EBF3: variants seen among roughly 807,000 people sequenced by gnomAD.
EBF3 encodes transcription factor COE3.
Under a neutral mutation model 77.1 loss-of-function variants are expected in EBF3, and 18 were observed. The observed-to-expected ratio is 0.23, with a 90% CI of 0.16 to 0.35. EBF3 has a LOEUF of 0.35. Among genes scored for constraint, EBF3 ranks in the 10% least tolerant of loss-of-function variants. The pLI, the probability that EBF3 is intolerant of heterozygous loss-of-function variation, is 1.00. For synonymous variants in EBF3, 350 were observed against 343.5 expected, an observed-to-expected ratio of 1.02 and a Z score of -0.21; for missense variants, 558 against 860.0, an observed-to-expected ratio of 0.65 and a Z score of 4.39.
At position 129,842,636 on chromosome 10, in the gene EBF3, C is replaced by T. The variant is rs769201549; in HGVS notation, c.1195-343G>A. Among the ~76,000 whole-genome samples, 1 of 152,074 alleles carries T rather than the reference C, an allele frequency of 6.6e-6. No individual in the cohort carries two copies. Among genetic ancestry groups the T allele is most frequent in the African/African-American group, 2.4e-5 (1 of 41,476 alleles). Reference sequence around the variant, plus strand: ...AAAATTAGCCGGGTGTGTTGGCAAACGCCTGTAATCCCAGCTACTCGGGAG... The same window carrying T: ...AAAATTAGCCGGGTGTGTTGGCAAATGCCTGTAATCCCAGCTACTCGGGAG... On this transcript the variant is annotated intron_variant, in intron 12 of 16. Coordinates refer to ENST00000440978, the MANE Select transcript of EBF3 (RefSeq NM_001375380.1). This position sits in a 1 kb window ranked among gnomAD's most constrained non-coding sequence, Gnocchi z 4.4.
At chr10:129,843,418 G>A (rs773541406) in intron 11 of EBF3, 12 of 503,584 alleles carry the variant, frequency 2.4e-5, no homozygotes, top group South Asian at 3.4e-5. Flanking sequence ...GAATAAAAGC[G>A]TTTTCTGTGG....
At chr10:129,898,063 G>A (rs547237752) in intron 6 of EBF3, among the ~76,000 whole-genome samples, 218 of 152,366 alleles carry the variant, frequency 1.4e-3, no homozygotes, top group Non-Finnish European at 2.2e-3. Flanking sequence ...CAGCGCTCCT[G>A]TTGGGCTCCC....
rs200956298 is a variant in EBF3 at position 129,939,650 on chromosome 10, T to C, written c.554+17608A>G. Among the ~76,000 whole-genome samples the C allele has an allele frequency of 5.9e-5, 9 of 152,342 alleles. No individual in the cohort carries two copies. The East Asian group carries it at 1.5e-3, about 26-fold the overall frequency. ...TCCTAATGCCACCCCGGGGCCATCA[T>C]TCTGCTCCTCTGCTATGCAGACTTC... is the stretch of plus-strand genomic sequence containing the variant. On this transcript the variant is annotated intron_variant, in intron 6 of 16. Coordinates refer to ENST00000440978, the MANE Select transcript of EBF3 (RefSeq NM_001375380.1).
chr10:129,939,759 G>A (rs1289796555), intron 6 of EBF3, among the ~76,000 whole-genome samples: 1 of 152,198 alleles, frequency 6.6e-6, no homozygotes, highest in Non-Finnish European at 1.5e-5. Flanking sequence ...CAGAGTCAAT[G>A]GCAAACTTCT....
At chr10:129,846,498 T>C (rs1229408978) in intron 11 of EBF3, among the ~76,000 whole-genome samples, 1 of 151,776 alleles carries the variant, frequency 6.6e-6, no homozygotes, top group Admixed American at 6.6e-5. Flanking sequence ...TTCTATTCTT[T>C]TTTCTCTGTC....
intron 6 of EBF3, among the ~76,000 whole-genome samples, chr10:129,916,471 C>G (rs140677699): frequency 0.012 from 1,811 of 152,372 alleles, 17 homozygotes; most frequent in South Asian, 0.021. Flanking sequence ...GAAAACGACA[C>G]CAAGAATGAT....
chr10:129,922,171 C>G (rs768604841), intron 6 of EBF3, among the ~76,000 whole-genome samples: 3 of 152,326 alleles, frequency 2.0e-5, no homozygotes, highest in South Asian at 2.1e-4. Context: ...CTTTGCCCAA[C>G]AAGAGCAGAG....
intron 6 of EBF3, among the ~76,000 whole-genome samples, chr10:129,926,604 A>G (rs1169506881): frequency 1.3e-5 from 2 of 152,088 alleles, no homozygotes; most frequent in Non-Finnish European, 2.9e-5. Context: ...GTGGCCAGGG[A>G]GGGGGCTGGG....
intron 16 of EBF3, 104 bp downstream of exon 16, chr10:129,838,979 G>GC: frequency 9.0e-7 from 1 of 1,112,820 alleles, no homozygotes; most frequent in Non-Finnish European, 1.2e-6. Context: ...CTGGTGTGGT[G>GC]CCCGCTGATG....
chr10:129,883,660 T>C (rs1002753303), intron 6 of EBF3, among the ~76,000 whole-genome samples: 2 of 149,238 alleles, frequency 1.3e-5, no homozygotes, highest in African/African-American at 5.0e-5. Context: ...ACTACTGTTT[T>C]AATACGTAAT....
Position 129,867,231 on chromosome 10 carries a change from G to A in EBF3, c.949C>T (p.Pro317Ser). 6.2e-7 allele frequency: 1 copy of A among 1,614,126 alleles called. No individual in the cohort carries two copies. Among genetic ancestry groups the A allele is most frequent in the Non-Finnish European group, 8.5e-7 (1 of 1,180,030 alleles). The change falls in exon 10 of 17, where the codon CCG (proline) becomes TCG (serine). Residue 317 changes from proline to serine, a missense_variant. Around this residue, in one of 5 missense-constraint regions of EBF3, gnomAD observed 112 missense variants for 207.7 expected, o/e 0.54. Transcript: ENST00000440978. ...TPHAIRVQTPPRHIPGVVEVT... is the reference protein window; with the variant it reads ...TPHAIRVQTPSRHIPGVVEVT... ...TCGACGACGCCAGGAATGTGCCTCG[G>A]CGGGGTCTGGACTCGGATGGCATGG...
chr10:129,963,270 C>A lies in EBF3; in HGVS notation c.291+97G>T, dbSNP rs915098244. ...GGCGGGGTGGCCTGGCGGAGCCGAG[C>A]CCGCCGCCTAGGGGGGCACTCGAAC... is the stretch of plus-strand genomic sequence containing the variant. On this transcript the variant is annotated intron_variant, in intron 2 of 16. Transcript: ENST00000440978. The surrounding 1 kb of genome is among the most constrained non-coding windows in gnomAD (Gnocchi z 7.1). 1.3e-6 allele frequency: 2 copies of A among 1,492,580 alleles called. No homozygotes were observed. The highest frequency in any genetic ancestry group is 1.5e-5 in the African/African-American group (1 of 67,752). 92.5% of individuals were successfully genotyped at this position (1,492,580 alleles called of 1,614,324 possible).
At chr10:129,936,475 G>A (rs1235076025) in intron 6 of EBF3, among the ~76,000 whole-genome samples, 1 of 152,242 alleles carries the variant, frequency 6.6e-6, no homozygotes, top group Non-Finnish European at 1.5e-5. Context: ...TGGCCTGTCA[G>A]GGGACCCTCG....
In EBF3 at chr10:129,855,093, G is replaced by C. The variant is rs151161985; in HGVS notation, c.1040-6613C>G. Reference sequence around the variant, plus strand: ...TAGGGTCACCCTGGGTTTCACACCAGTGACTCCAGCATCCCCCCAACCCGC... The same window carrying C: ...TAGGGTCACCCTGGGTTTCACACCACTGACTCCAGCATCCCCCCAACCCGC... On this transcript the variant is annotated intron_variant, in intron 10 of 16. Transcript: ENST00000440978. Among the ~76,000 whole-genome samples, 953 of 152,364 alleles carry C rather than the reference G, an allele frequency of 6.3e-3. 9 individuals are homozygous for C. Among genetic ancestry groups the C allele is most frequent in the Non-Finnish European group, 4.9e-3 (336 of 68,030 alleles).
chr10:129,922,558 T>C (rs1299615494), intron 6 of EBF3, among the ~76,000 whole-genome samples: 1 of 152,226 alleles, frequency 6.6e-6, no homozygotes, highest in Non-Finnish European at 1.5e-5. Context: ...GGGGTGAAAC[T>C]GAACTTCATG....
intron 4 of EBF3, among the ~76,000 whole-genome samples, chr10:129,959,827 G>C (rs1564927992): frequency 2.0e-5 from 3 of 152,032 alleles, no homozygotes; most frequent in African/African-American, 7.2e-5. Flanking sequence ...GCCCGAGCCC[G>C]CGCGGCCACG....
At chr10:129,929,009 GT>G (rs1415979469) in intron 6 of EBF3, among the ~76,000 whole-genome samples, 6 of 152,102 alleles carry the variant, frequency 3.9e-5, no homozygotes, top group African/African-American at 7.2e-5. Context: ...GTCCTTGCAG[GT>G]GATCCCCATG....
chr10:129,855,579 T>G (rs893480268), intron 10 of EBF3, among the ~76,000 whole-genome samples: 1 of 151,880 alleles, frequency 6.6e-6, no homozygotes, highest in African/African-American at 2.4e-5. Flanking sequence ...AAGGCGGAGG[T>G]TCTGAGGTCG....
intron 6 of EBF3, 58 bp from the exon 7 acceptor site, chr10:129,877,907 T>A: frequency 7.1e-7 from 1 of 1,402,290 alleles, no homozygotes; most frequent in Non-Finnish European, 9.9e-7. Context: ...AGACTCAAAC[T>A]TTTTAAAAGA....
Sources: allele counts gnomAD v4.1 joint callset (sites outside exome capture counted in the v4.1 genomes callset), GRCh38; gene constraint gnomAD v4.1.1; regional missense constraint gnomAD v4.1.1; non-coding constraint Gnocchi (gnomAD v3.1); transcripts MANE v1.5; gene names NCBI Gene and HGNC (gene_info 2026-07-23, HGNC 2026-07-21).